The following OCA2 variants were observed in gnomAD, a reference collection of about 807,000 sequenced individuals.
The protein encoded by OCA2 is P protein.
In OCA2, 77 loss-of-function variants were observed where a neutral mutation model predicts 100.2. The observed-to-expected ratio is 0.77, with a 90% CI of 0.64 to 0.93. OCA2 has a LOEUF of 0.93. Ranked by LOEUF, OCA2 falls within the 40% of genes least tolerant of loss-of-function variation. The pLI, the probability that OCA2 is intolerant of heterozygous loss-of-function variation, is 0.00. For missense variants in OCA2, 1,062 were observed against 1,089.1 expected, an observed-to-expected ratio of 0.98 and a Z score of 0.35; for synonymous variants, 432 against 439.2, an observed-to-expected ratio of 0.98 and a Z score of 0.21.
intron 11 of OCA2, among the ~76,000 whole-genome samples, chr15:27,988,386 A>G (rs1469041787): frequency 1.3e-5 from 2 of 151,994 alleles, no homozygotes; most frequent in African/African-American, 4.8e-5. Context: ...ATTTGGAGTG[A>G]GGGCGTTGAA....
intron 15 of OCA2, 57 bp downstream of exon 15, chr15:27,966,633 A>G (rs1567167820): frequency 6.2e-7 from 1 of 1,603,478 alleles, no homozygotes; most frequent in Non-Finnish European, 8.5e-7. Flanking sequence ...CTCCTGGTAA[A>G]CAAACAATAT....
chr15:27,902,226 T>TC (rs1555428598), intron 19 of OCA2, among the ~76,000 whole-genome samples: 44 of 146,510 alleles, frequency 3.0e-4, no homozygotes, highest in South Asian at 1.3e-3. Context: ...GTTGTTTTTT[T>TC]CTATTTTTAG....
chr15:27,953,141 A>T (rs2040092429), intron 17 of OCA2, among the ~76,000 whole-genome samples: 1 of 152,204 alleles, frequency 6.6e-6, no homozygotes, highest in African/African-American at 2.4e-5. Flanking sequence ...CATCATAGTG[A>T]TCTATAGCTA....
intron 23 of OCA2, among the ~76,000 whole-genome samples, chr15:27,825,844 A>G (rs746984836): frequency 1.3e-5 from 2 of 152,244 alleles, no homozygotes; most frequent in African/African-American, 2.4e-5. Context: ...GCAGCCGGCC[A>G]GGACCAAAAG....
chr15:28,094,429 G>A (rs537443366), intron 1 of OCA2, among the ~76,000 whole-genome samples: 2 of 152,312 alleles, frequency 1.3e-5, no homozygotes, highest in Admixed American at 1.3e-4. Flanking sequence ...GCGGCACAGG[G>A]CGGAGTATGC....
At chr15:28,009,292 T>C (rs2042171905) in intron 9 of OCA2, among the ~76,000 whole-genome samples, 1 of 152,200 alleles carries the variant, frequency 6.6e-6, no homozygotes, top group South Asian at 2.1e-4. Flanking sequence ...AAAAAATTTA[T>C]ATTTGCAAGT....
intron 19 of OCA2, among the ~76,000 whole-genome samples, chr15:27,887,671 G>A (rs1019516076): frequency 6.9e-6 from 1 of 144,406 alleles, no homozygotes; most frequent in African/African-American, 2.6e-5. Flanking sequence ...TTTATCAGCA[G>A]CATGAAAATG....
At chr15:27,725,872 C>T in the OCA2 span, among the ~76,000 whole-genome samples, 1 of 152,088 alleles carries the variant, frequency 6.6e-6, no homozygotes, top group Non-Finnish European at 1.5e-5. Context: ...GTTCATGCAG[C>T]CTTCTGGTTA....
intron 2 of OCA2, among the ~76,000 whole-genome samples, chr15:28,050,199 C>T (rs1056366567): frequency 6.6e-6 from 1 of 152,104 alleles, no homozygotes; most frequent in Admixed American, 6.6e-5. Flanking sequence ...GTGGGAGGAT[C>T]GCTTGAGCCC....
intron 12 of OCA2, among the ~76,000 whole-genome samples, chr15:27,985,941 T>C (rs1016623356): frequency 4.6e-5 from 7 of 152,238 alleles, no homozygotes; most frequent in African/African-American, 1.2e-4. Flanking sequence ...TCTGCCCACC[T>C]TGGGCTCCCA....
chr15:27,897,184 C>T (rs1433265639), intron 19 of OCA2, among the ~76,000 whole-genome samples: 4 of 122,528 alleles, frequency 3.3e-5, no homozygotes, highest in African/African-American at 1.6e-4. Context: ...AGCAAGACTC[C>T]GTCTCAAAAA....
At chr15:27,862,114 C>T (rs2036154822) in intron 21 of OCA2, among the ~76,000 whole-genome samples, 6 of 152,008 alleles carry the variant, frequency 3.9e-5, no homozygotes, top group Admixed American at 3.9e-4. Flanking sequence ...TCCTCACAGA[C>T]AGAAAGCGTG....
chr15:27,738,931 A>G, the OCA2 span, among the ~76,000 whole-genome samples: 1 of 152,200 alleles, frequency 6.6e-6, no homozygotes, highest in Admixed American at 6.5e-5. Flanking sequence ...CATCTAACTT[A>G]ATATCGACAG....
intron 12 of OCA2, among the ~76,000 whole-genome samples, chr15:27,986,371 T>A (rs1451622934): frequency 6.6e-6 from 1 of 152,180 alleles, no homozygotes; most frequent in East Asian, 1.9e-4. Flanking sequence ...TTCCTTGACC[T>A]CCTTCTTCAT....
chr15:28,042,034 G>T (rs2043216176), intron 2 of OCA2, among the ~76,000 whole-genome samples: 1 of 152,142 alleles, frequency 6.6e-6, no homozygotes, highest in African/African-American at 2.4e-5. Flanking sequence ...AGGAACAATT[G>T]GTTGGTGAGC....
At chr15:28,003,012 G>C (rs1376938996) in intron 9 of OCA2, among the ~76,000 whole-genome samples, 1 of 152,212 alleles carries the variant, frequency 6.6e-6, no homozygotes, top group African/African-American at 2.4e-5. Context: ...TCCAGCATCC[G>C]AAACCTCCTG....
At chr15:28,064,604 T>C (rs2043968521) in intron 2 of OCA2, among the ~76,000 whole-genome samples, 1 of 152,154 alleles carries the variant, frequency 6.6e-6, no homozygotes, top group African/African-American at 2.4e-5. Context: ...AGCTCAAGAA[T>C]TTCTTGCTGA....
intron 18 of OCA2, among the ~76,000 whole-genome samples, chr15:27,932,406 T>A (rs1295902824): frequency 6.7e-6 from 1 of 150,106 alleles, no homozygotes; most frequent in Non-Finnish European, 1.5e-5. Flanking sequence ...ACCTGAGGAA[T>A]AGGAGCAAAA....
At chr15:28,008,590 G>T (rs1035211268) in intron 9 of OCA2, among the ~76,000 whole-genome samples, 7 of 152,192 alleles carry the variant, frequency 4.6e-5, no homozygotes, top group African/African-American at 1.7e-4. Flanking sequence ...AGGTGGACAC[G>T]TCAGGTTATA....
Sources: gnomAD v4.1 joint callset for allele counts (sites outside exome capture counted in the v4.1 genomes callset) on GRCh38, gnomAD v4.1.1 for gene constraint, MANE v1.5 for transcripts, NCBI Gene and HGNC (gene_info 2026-07-23, HGNC 2026-07-21) for gene names.